The following MAST4 variants were observed in gnomAD, a reference collection of about 807,000 sequenced individuals.
MAST4 encodes microtubule associated serine/threonine kinase family member 4.
A neutral mutation model predicts 162.7 loss-of-function variants in MAST4; 89 were observed. The ratio of observed to expected loss-of-function variants is 0.55; its 90% CI spans 0.46 to 0.65. MAST4 has a LOEUF of 0.65. Ranked by LOEUF, MAST4 falls within the 30% of genes least tolerant of loss-of-function variation. The probability of loss-of-function intolerance (pLI) is 0.00; values close to 1 mark genes in which losing one functional copy is unlikely to be tolerated. For synonymous variants in MAST4, 1,479 were observed against 1,361.1 expected (o/e 1.09, Z -1.91); for missense variants, 3,153 against 3,374.0 (o/e 0.93, Z 1.62).
chr5:67,117,494 T>G (rs941228061), intron 12 of MAST4, among the ~76,000 whole-genome samples: 6 of 151,826 alleles, frequency 4.0e-5, no homozygotes, highest in Non-Finnish European at 8.8e-5. Context: ...ATACATAAAA[T>G]AAGAAACTAA....
At chr5:66,774,111 G>A (rs1178417323) in intron 2 of MAST4, among the ~76,000 whole-genome samples, 1 of 152,148 alleles carries the variant, frequency 6.6e-6, no homozygotes, top group African/African-American at 2.4e-5. Flanking sequence ...TTACTCTGAA[G>A]GACAGTTAAC....
At chr5:66,688,175 G>T (rs1748814610) in intron 1 of MAST4, among the ~76,000 whole-genome samples, 1 of 152,150 alleles carries the variant, frequency 6.6e-6, no homozygotes, top group Non-Finnish European at 1.5e-5. Context: ...ACAAGTCTCT[G>T]CCTTGGAGCA....
chr5:67,091,146 T>C (rs1763825572), intron 6 of MAST4, among the ~76,000 whole-genome samples: 1 of 152,196 alleles, frequency 6.6e-6, no homozygotes, highest in Non-Finnish European at 1.5e-5. Flanking sequence ...AAAAAATACT[T>C]GTTCTTACAC....
At chr5:66,787,472 T>G (rs1186099402) in intron 2 of MAST4, among the ~76,000 whole-genome samples, 3 of 152,230 alleles carry the variant, frequency 2.0e-5, no homozygotes, top group African/African-American at 7.2e-5. Flanking sequence ...CATGGACAAT[T>G]GATGGGAGAT....
intron 12 of MAST4, among the ~76,000 whole-genome samples, chr5:67,115,922 G>T (rs1766851237): frequency 6.6e-6 from 1 of 152,002 alleles, no homozygotes; most frequent in Non-Finnish European, 1.5e-5. Context: ...GGCTGTCAAA[G>T]TAGATTATAG....
chr5:66,745,914 A>G (rs1752728407), intron 1 of MAST4, among the ~76,000 whole-genome samples: 2 of 152,236 alleles, frequency 1.3e-5, no homozygotes, highest in Admixed American at 6.5e-5. Context: ...AGAAAACCAG[A>G]GGAAATCATA....
At chr5:66,602,186 G>C (rs1742598645) in intron 1 of MAST4, among the ~76,000 whole-genome samples, 1 of 152,168 alleles carries the variant, frequency 6.6e-6, no homozygotes, top group African/African-American at 2.4e-5. Flanking sequence ...AGAGTGAGGA[G>C]AGGGTCTTGT....
At chr5:66,891,108 G>A (rs767244308) in intron 3 of MAST4, among the ~76,000 whole-genome samples, 4 of 152,130 alleles carry the variant, frequency 2.6e-5, no homozygotes, top group Non-Finnish European at 4.4e-5. Context: ...TCAGGGACTC[G>A]CTGGTGTAAC....
chr5:66,960,105 T>C (rs929861520), intron 4 of MAST4, among the ~76,000 whole-genome samples: 2 of 152,256 alleles, frequency 1.3e-5, no homozygotes, highest in Non-Finnish European at 2.9e-5. Flanking sequence ...TCCCTCTTTC[T>C]AACTTACAGC....
At chr5:66,790,299 G>A (rs578015446) in intron 3 of MAST4, among the ~76,000 whole-genome samples, 4 of 152,058 alleles carry the variant, frequency 2.6e-5, no homozygotes, top group Middle Eastern at 3.4e-3. Flanking sequence ...GTATAAACTT[G>A]GACAAGTCCG....
chr5:67,154,198 G>A (rs1209406320), intron 26 of MAST4, among the ~76,000 whole-genome samples: 3 of 152,158 alleles, frequency 2.0e-5, no homozygotes, highest in African/African-American at 7.2e-5. Flanking sequence ...GACTGTAAAT[G>A]GAGAGAGAGA....
At chr5:66,863,515 C>T (rs1306125099) in intron 3 of MAST4, among the ~76,000 whole-genome samples, 1 of 152,100 alleles carries the variant, frequency 6.6e-6, no homozygotes, top group Admixed American at 6.5e-5. Flanking sequence ...TCCTTGTTTC[C>T]CTCTCTCTCC....
At chr5:66,745,428 C>A (rs1490603925) in intron 1 of MAST4, among the ~76,000 whole-genome samples, 1 of 152,066 alleles carries the variant, frequency 6.6e-6, no homozygotes, top group African/African-American at 2.4e-5. Flanking sequence ...ATTTGAAAAG[C>A]CCCCAATCAG....
chr5:66,799,546 AT>A (rs1755816755), intron 3 of MAST4, among the ~76,000 whole-genome samples: 1 of 152,108 alleles, frequency 6.6e-6, no homozygotes, highest in South Asian at 2.1e-4. Context: ...TCATGGACTT[AT>A]ATTTGGTTGT....
chr5:67,150,750 A>T (rs13359942), intron 24 of MAST4, among the ~76,000 whole-genome samples: 33,857 of 151,814 alleles, frequency 0.22, 7,212 homozygotes, highest in African/African-American at 0.56. Context: ...GTCCACAGTG[A>T]CCTCCTCCCA....
intron 1 of MAST4, among the ~76,000 whole-genome samples, chr5:66,618,033 TGG>T (rs66792189): frequency 7.0e-6 from 1 of 143,672 alleles, no homozygotes; most frequent in African/African-American, 2.5e-5. Context: ...CTGGGAGGAA[TGG>T]GGGGGGGGCC....
At chr5:66,934,087 T>C (rs115900394) in intron 4 of MAST4, among the ~76,000 whole-genome samples, 1,820 of 152,160 alleles carry the variant, frequency 0.012, 39 homozygotes, top group African/African-American at 0.037. Context: ...TACAACATAA[T>C]TGCAAAAAAA....
intron 3 of MAST4, among the ~76,000 whole-genome samples, chr5:66,804,940 T>C (rs553093413): frequency 1.3e-5 from 2 of 152,334 alleles, no homozygotes; most frequent in South Asian, 4.1e-4. Context: ...AAGTCTTTCT[T>C]CGTTCTTAAT....
In MAST4 at chr5:66,956,634, G is replaced by A. The variant is rs142434857; in HGVS notation, c.674+56652G>A. Among the ~76,000 whole-genome samples the A allele has an allele frequency of 7.4e-3, 1,121 of 152,274 alleles. 12 individuals carry two copies. Among genetic ancestry groups the A allele is most frequent in the African/African-American group, 0.026 (1,071 of 41,556 alleles). On this transcript the variant is annotated intron_variant, in intron 4 of 28. Transcript: ENST00000403625. Reference sequence around the variant, plus strand: ...TTCTCTAGCATCCCCTCAAGGTGACGTAATTTTCTCTTCTTGAACTCGTGA... The same window carrying A: ...TTCTCTAGCATCCCCTCAAGGTGACATAATTTTCTCTTCTTGAACTCGTGA...
Sources: allele counts gnomAD v4.1 joint callset (sites outside exome capture counted in the v4.1 genomes callset), GRCh38; gene constraint gnomAD v4.1.1; transcripts MANE v1.5; gene names NCBI Gene and HGNC (gene_info 2026-07-23, HGNC 2026-07-21).